N4BP2L2: variants seen among roughly 807,000 people sequenced by gnomAD.
N4BP2L2 encodes NEDD4 binding protein 2 like 2.
Under a neutral mutation model 56.2 loss-of-function variants are expected in N4BP2L2, and 50 were observed. That is an observed-to-expected ratio of 0.89 (90% confidence interval 0.71 to 1.13). The LOEUF is 1.13. N4BP2L2 is among the 50% of genes most tolerant of loss of function. The pLI is 0.00. For missense variants in N4BP2L2, 689 were observed against 693.8 expected (o/e 0.99, Z 0.08); for synonymous variants, 203 against 223.6 (o/e 0.91, Z 0.82).
chr13:32,476,125 T>C (rs1452842615), intron 6 of N4BP2L2, among the ~76,000 whole-genome samples: 1 of 152,198 alleles, frequency 6.6e-6, no homozygotes, highest in Non-Finnish European at 1.5e-5. Context: ...GATGAGCTTC[T>C]GAAAAATTAC....
chr13:32,448,848 T>C (rs2077429030), intron 6 of N4BP2L2, among the ~76,000 whole-genome samples: 1 of 152,226 alleles, frequency 6.6e-6, no homozygotes, highest in Non-Finnish European at 1.5e-5. Context: ...GTCTCATGGC[T>C]TTCTGGAATG....
chr13:32,477,898 TC>T, intron 6 of N4BP2L2: 1 of 1,289,410 alleles, frequency 7.8e-7, no homozygotes, highest in Non-Finnish European at 1.0e-6. Context: ...TCTCAAGAGA[TC>T]AAAGGTTGAG....
At chr13:32,483,655 T>A (rs985941098) in intron 6 of N4BP2L2, among the ~76,000 whole-genome samples, 1 of 152,246 alleles carries the variant, frequency 6.6e-6, no homozygotes, top group South Asian at 2.1e-4. Context: ...GATTACTTTT[T>A]ACTTTTAAAA....
At chr13:32,499,260 G>T (rs2089490723) in intron 6 of N4BP2L2, among the ~76,000 whole-genome samples, 1 of 152,078 alleles carries the variant, frequency 6.6e-6, no homozygotes, top group Admixed American at 6.5e-5. Flanking sequence ...CCACAGCTAC[G>T]CATTCATGCA....
At position 32,489,301 on chromosome 13, in the gene N4BP2L2, G is replaced by A. The variant is rs571405743; in HGVS notation, c.365+28556C>T. On this transcript the variant is annotated intron_variant, in intron 6 of 9. Coordinates refer to the N4BP2L2 transcript ENST00000357505. ...GAATTTTTCCGTTTCTGTCATGTAC[G>A]CTGTTTTTACTTTGACATAATAGTG... Among the ~76,000 whole-genome samples the A allele has an allele frequency of 6.6e-5, 10 of 152,188 alleles. No individual in the cohort carries two copies. In the South Asian group the frequency reaches 8.3e-4, roughly 13 times the overall value.
chr13:32,478,182 C>T, intron 6 of N4BP2L2: 1 of 597,338 alleles, frequency 1.7e-6, no homozygotes, highest in South Asian at 2.1e-5. Context: ...GGTAAAACAT[C>T]TATTTTCTAA....
At chr13:32,492,273 ATTTTTTTTTT>A (rs72053635) in intron 6 of N4BP2L2, among the ~76,000 whole-genome samples, 2 of 72,128 alleles carry the variant, frequency 2.8e-5, no homozygotes, top group African/African-American at 5.7e-5. Flanking sequence ...AAACACCAAA[ATTTTTTTTTT>A]TTTTTTTTTT....
chr13:32,501,805 A>C (rs1485288236), intron 6 of N4BP2L2, among the ~76,000 whole-genome samples: 2 of 151,572 alleles, frequency 1.3e-5, no homozygotes, highest in African/African-American at 4.9e-5. Context: ...ACACAGCGAG[A>C]CTCCATCTCT....
At chr13:32,536,930 T>A (rs780263979) in exon 2 of N4BP2L2, 1 of 1,613,278 alleles carries the variant, frequency 6.2e-7, no homozygotes, top group South Asian at 1.1e-5. Flanking sequence ...GTGAAAAACA[T>A]ACGACTCTGT....
downstream of N4BP2L2, chr13:32,507,669 A>T (rs545895925): frequency 6.6e-6 from 1 of 152,222 alleles, no homozygotes; most frequent in East Asian, 1.9e-4. Context: ...GGACAAGCTT[A>T]TCATATCTGA....
At chr13:32,469,592 G>A (rs1167029218) in intron 6 of N4BP2L2, among the ~76,000 whole-genome samples, 4 of 152,206 alleles carry the variant, frequency 2.6e-5, no homozygotes, top group Non-Finnish European at 5.9e-5. Context: ...CCCCCACTGA[G>A]TTGTGGGAGT....
intron 6 of N4BP2L2, among the ~76,000 whole-genome samples, chr13:32,459,906 A>G (rs1490777802): frequency 6.6e-6 from 1 of 152,218 alleles, no homozygotes; most frequent in Non-Finnish European, 1.5e-5. Flanking sequence ...AAAAATCCTC[A>G]GCAGAATATG....
rs2086121001 is a variant in N4BP2L2, at chr13:32,487,439, T to G, written c.365+30418A>C. Among the ~76,000 whole-genome samples the G allele has an allele frequency of 2.1e-5, 3 of 142,872 alleles. No homozygotes were observed. The South Asian group carries it at 6.5e-4, about 31-fold the overall frequency. 93.7% of individuals were successfully genotyped at this position (142,872 alleles called of 152,430 possible). A position where few individuals can be genotyped will look rare whatever the true frequency, so the allele number is the denominator to read the frequency against. On this transcript the variant is annotated intron_variant, in intron 6 of 9. Coordinates refer to the N4BP2L2 transcript ENST00000357505. ...CTGCAATGAGCCGTGACCGCACCACTGCACTCCAGTCAGAGTGAGACCCTG... is the reference window on the plus strand; with the variant it reads ...CTGCAATGAGCCGTGACCGCACCACGGCACTCCAGTCAGAGTGAGACCCTG...
intron 5 of N4BP2L2, 68 bp downstream of exon 5, chr13:32,521,305 A>C (rs2050833019): frequency 8.4e-7 from 1 of 1,195,776 alleles, no homozygotes; most frequent in South Asian, 1.3e-5. Flanking sequence ...ATAAACTGTG[A>C]AAGGATGTCA....
rs549316299 is a variant in N4BP2L2 at position 32,538,073 on chromosome 13, G to C, written c.-1+545C>G. On this transcript the variant is annotated intron_variant, in intron 1 of 5. Transcript: ENST00000267068. The stretch of plus-strand genomic sequence containing the variant: ...GCGACAGAGGGAGACCCCGTCTTGG[G>C]GGGGGGGGGCGGTTACTTCCCCTGA... Among the ~76,000 whole-genome samples the C allele has an allele frequency of 4.4e-3, 604 of 136,252 alleles. 25 individuals are homozygous for C. Among genetic ancestry groups the C allele is most frequent in the African/African-American group, 0.015 (556 of 38,130 alleles). 89.4% of individuals were successfully genotyped at this position (136,252 alleles called of 152,430 possible). A position where few individuals can be genotyped will look rare whatever the true frequency, so the allele number is the denominator to read the frequency against.
intron 6 of N4BP2L2, among the ~76,000 whole-genome samples, chr13:32,491,000 C>CAAA (rs5802645): frequency 0.015 from 2,139 of 145,638 alleles, 19 homozygotes; most frequent in East Asian, 0.037. Flanking sequence ...CAGATTAAAG[C>CAAA]AAAAAAAAAA....
chr13:32,488,330 T>C (rs2086331784), intron 6 of N4BP2L2, among the ~76,000 whole-genome samples: 1 of 152,168 alleles, frequency 6.6e-6, no homozygotes, highest in East Asian at 1.9e-4. Context: ...TACTGCATGT[T>C]CTCACTTATA....
downstream of N4BP2L2, chr13:32,505,970 T>G (rs1263522142): frequency 6.6e-6 from 1 of 152,202 alleles, no homozygotes; most frequent in African/African-American, 2.4e-5. Flanking sequence ...TTCCACATTT[T>G]TAGGTATTAA....
chr13:32,437,648 CACA>C (rs1276824662), intron 8 of N4BP2L2, among the ~76,000 whole-genome samples: 1 of 152,180 alleles, frequency 6.6e-6, no homozygotes, highest in African/African-American at 2.4e-5. Context: ...GACCACAGAT[CACA>C]ACAATAGGAA....
Sources: gnomAD v4.1 joint callset for allele counts (sites outside exome capture counted in the v4.1 genomes callset) on GRCh38, gnomAD v4.1.1 for gene constraint, MANE v1.5 for transcripts, NCBI Gene and HGNC (gene_info 2026-07-23, HGNC 2026-07-21) for gene names.